GLRB: variants seen among roughly 807,000 people sequenced by gnomAD.
GLRB encodes the protein glycine receptor subunit beta.
A neutral mutation model predicts 54.2 loss-of-function variants in GLRB; 33 were observed. That is an observed-to-expected ratio of 0.61 (90% CI 0.46 to 0.81). GLRB has a LOEUF of 0.81. Ranked by LOEUF, GLRB falls within the 40% of genes least tolerant of loss-of-function variation. GLRB has a pLI of 0.00. For synonymous variants in GLRB, 209 were observed against 208.2 expected, an observed-to-expected ratio of 1.00 and a Z score of -0.03; for missense variants, 572 against 584.6, an observed-to-expected ratio of 0.98 and a Z score of 0.22.
intron 2 of GLRB, among the ~76,000 whole-genome samples, chr4:157,083,907 A>G (rs977281229): frequency 2.0e-5 from 3 of 152,184 alleles, no homozygotes; most frequent in Admixed American, 6.5e-5. Context: ...ATGTCAAGCT[A>G]CTATAATTTT....
intron 8 of GLRB, among the ~76,000 whole-genome samples, chr4:157,147,139 A>G (rs1579239143): frequency 6.6e-6 from 1 of 152,174 alleles, no homozygotes; most frequent in East Asian, 1.9e-4. Context: ...GAAATTTCAA[A>G]ACTGGAGTAG....
At chr4:157,142,199 CAG>C in intron 7 of GLRB, among the ~76,000 whole-genome samples, 1 of 152,012 alleles carries the variant, frequency 6.6e-6, no homozygotes, top group Middle Eastern at 3.4e-3. Context: ...TTTGTCCAGG[CAG>C]AGAGTTAAGG....
chr4:157,096,677 G>C (rs914604852), intron 2 of GLRB, among the ~76,000 whole-genome samples: 17 of 152,104 alleles, frequency 1.1e-4, no homozygotes, highest in Non-Finnish European at 1.3e-4. Context: ...CAGATGTGTT[G>C]GCCTGTGAAT....
In GLRB at chr4:157,152,770, G is replaced by A; in HGVS notation, c.957G>A (p.Glu319=). The A allele has an allele frequency of 6.2e-7, 1 of 1,613,740 alleles. No individual in the cohort carries two copies. Among genetic ancestry groups the A allele is most frequent in the Non-Finnish European group, 8.5e-7 (1 of 1,179,712 alleles). Residue 319 remains glutamate, a synonymous_variant, in exon 9 of 10, where the codon GAG becomes GAA. Coordinates refer to ENST00000264428, the MANE Select transcript of GLRB (RefSeq NM_000824.5). Reference sequence around the variant, plus strand: ...CTGAGTGCACAACCCTTGCCGCTGAGCTTCCCAAAGTTTCCTATGTGAAGG... The same window carrying A: ...CTGAGTGCACAACCCTTGCCGCTGAACTTCCCAAAGTTTCCTATGTGAAGG... The part of the protein sequence containing the change: ...LASECTTLAA[E]LPKVSYVKAL...
rs1194093122 is a variant in GLRB, at chr4:157,136,468, G to A, written c.298-1G>A. On this transcript the variant is annotated splice_acceptor_variant, in intron 4 of 9. Transcript: ENST00000264428. LOFTEE classifies it high-confidence loss of function. ...TGTGCACGCATGTACTTTTTCTTCA[G>A]GACTATAGAGTTAACATCTTCCTGA... is the stretch of plus-strand genomic sequence containing the variant. 3 of 1,555,440 alleles carry A rather than the reference G, an allele frequency of 1.9e-6. No homozygotes were observed. The highest frequency in any genetic ancestry group is 1.8e-6 in the Non-Finnish European group (2 of 1,126,804).
At chr4:157,150,230 G>A (rs1250996880) in intron 8 of GLRB, among the ~76,000 whole-genome samples, 1 of 151,986 alleles carries the variant, frequency 6.6e-6, no homozygotes, top group Non-Finnish European at 1.5e-5. Flanking sequence ...TATTTGCTCA[G>A]ATTTCTTATT....
intron 2 of GLRB, among the ~76,000 whole-genome samples, chr4:157,110,574 A>G (rs1187772716): frequency 6.6e-6 from 1 of 152,058 alleles, no homozygotes; most frequent in Non-Finnish European, 1.5e-5. Flanking sequence ...TTATAAAGAT[A>G]TGACTGTTTG....
rs561696873 is a variant in GLRB at position 157,101,819 on chromosome 4, G to T, written c.123-18737G>T. 1.4e-3 allele frequency among the ~76,000 whole-genome samples: 213 copies of T among 149,416 alleles called. 1 individual carries two copies. The highest frequency in any genetic ancestry group is 4.9e-3 in the African/African-American group (197 of 40,612). On this transcript the variant is annotated intron_variant, in intron 2 of 9. Coordinates refer to ENST00000264428, the MANE Select transcript of GLRB (RefSeq NM_000824.5). ...CTTGTTTTTTTTTTTTTTTTGGTGG[G>T]GGGGAGGGTTTGGGGTTGGGTGGGG...
rs561897444 is a variant in GLRB, at chr4:157,121,771, G to A, written c.230-559G>A. On this transcript the variant is annotated intron_variant, in intron 3 of 9. Coordinates refer to ENST00000264428, the MANE Select transcript of GLRB (RefSeq NM_000824.5). Reference sequence around the variant, plus strand: ...AACATTATACCTTAGTTCTCACTCCGTGAACTTTCAAATTATTTTTCAAAA... The same window carrying A: ...AACATTATACCTTAGTTCTCACTCCATGAACTTTCAAATTATTTTTCAAAA... Among the ~76,000 whole-genome samples, 46 of 151,548 alleles carry A rather than the reference G, an allele frequency of 3.0e-4. 2 individuals are homozygous for A. The South Asian group carries it at 8.7e-3, about 29-fold the overall frequency.
chr4:157,105,502 G>A (rs377664668), intron 2 of GLRB, among the ~76,000 whole-genome samples: 8 of 152,124 alleles, frequency 5.3e-5, no homozygotes, highest in South Asian at 4.2e-4. Flanking sequence ...TCTGCTGTTG[G>A]ATGAAATGTT....
chr4:157,133,523 T>C (rs1450003878), intron 4 of GLRB, among the ~76,000 whole-genome samples: 3 of 151,972 alleles, frequency 2.0e-5, no homozygotes, highest in Admixed American at 6.6e-5. Flanking sequence ...GTTTGACTGA[T>C]GTTCAATATC....
At chr4:157,089,670 A>C (rs936189226) in intron 2 of GLRB, among the ~76,000 whole-genome samples, 6 of 152,048 alleles carry the variant, frequency 3.9e-5, no homozygotes. Flanking sequence ...CCAGATATTC[A>C]TCCTTAGTTC....
intron 2 of GLRB, among the ~76,000 whole-genome samples, chr4:157,118,235 G>T (rs1297709151): frequency 6.6e-6 from 1 of 151,642 alleles, no homozygotes; most frequent in Non-Finnish European, 1.5e-5. Context: ...GATTTTATAT[G>T]AAGAGACACA....
At chr4:157,153,147 G>A in intron 9 of GLRB, 137 bp downstream of exon 9, 1 of 801,520 alleles carries the variant, frequency 1.2e-6, no homozygotes, top group East Asian at 2.6e-5. Context: ...AAAACAAACT[G>A]AGCACAACAC....
chr4:157,140,618 C>T (rs915898706), intron 7 of GLRB, among the ~76,000 whole-genome samples: 1 of 151,796 alleles, frequency 6.6e-6, no homozygotes, highest in Non-Finnish European at 1.5e-5. Flanking sequence ...TTTTATTATC[C>T]TCATTGTACA....
intron 2 of GLRB, among the ~76,000 whole-genome samples, chr4:157,106,826 G>A (rs1462186390): frequency 2.0e-5 from 3 of 151,994 alleles, no homozygotes; most frequent in Admixed American, 1.3e-4. Flanking sequence ...AGACTTCTCA[G>A]CCTCTTTAAT....
intron 9 of GLRB, among the ~76,000 whole-genome samples, chr4:157,161,727 T>A (rs151023591): frequency 0.024 from 3,635 of 152,328 alleles, 58 homozygotes; most frequent in African/African-American, 0.046. Flanking sequence ...CTTCCCTTTG[T>A]GGGTAATCTG....
At chr4:157,111,183 G>A (rs1232701214) in intron 2 of GLRB, among the ~76,000 whole-genome samples, 1 of 152,030 alleles carries the variant, frequency 6.6e-6, no homozygotes, top group African/African-American at 2.4e-5. Context: ...AAAAAGTTGG[G>A]ATGGCAGACA....
Position 157,171,613 on chromosome 4 carries a change from A to G in GLRB, c.*885A>G, listed in dbSNP as rs944499205. 1 of 152,312 alleles carries G rather than the reference A, an allele frequency of 6.6e-6. No individual in the cohort carries two copies. Among genetic ancestry groups the G allele is most frequent in the Non-Finnish European group, 1.5e-5 (1 of 67,796 alleles). 9.4% of individuals were successfully genotyped at this position (152,312 alleles called of 1,614,324 possible). A position where few individuals can be genotyped will look rare whatever the true frequency, so the allele number is the denominator to read the frequency against. On this transcript the variant is annotated 3_prime_UTR_variant, in exon 10 of 10. Transcript: ENST00000264428. ...CATTTTTAAGAAACCAAGGGGAAGTAATAAGTTGAAAAAGAAATCCATAAC... is the reference window on the plus strand; with the variant it reads ...CATTTTTAAGAAACCAAGGGGAAGTGATAAGTTGAAAAAGAAATCCATAAC...
Sources: gnomAD v4.1 joint callset for allele counts (sites outside exome capture counted in the v4.1 genomes callset) on GRCh38, gnomAD v4.1.1 for gene constraint, MANE v1.5 for transcripts, NCBI Gene and HGNC (gene_info 2026-07-23, HGNC 2026-07-21) for gene names.